The following EDNRB variants were observed in gnomAD, a reference collection of about 807,000 sequenced individuals.
The protein encoded by EDNRB is endothelin receptor type B.
A neutral mutation model predicts 46.4 loss-of-function variants in EDNRB; 18 were observed. The ratio of observed to expected loss-of-function variants is 0.39; its 90% CI spans 0.27 to 0.57. The LOEUF is 0.57. EDNRB is among the 20% of genes least tolerant of loss of function. The pLI is 0.61. For missense variants in EDNRB, 434 were observed against 537.5 expected (o/e 0.81, Z 1.90); for synonymous variants, 213 against 204.9 (o/e 1.04, Z -0.34).
At chr13:77,919,674 C>T (rs1880012160), upstream of EDNRB, 3 of 1,499,882 alleles carry the variant, frequency 2.0e-6, no homozygotes, top group African/African-American at 2.8e-5. Flanking sequence ...CCCGCTGCAA[C>T]CTTTCCCCTT....
intron 1 of EDNRB, among the ~76,000 whole-genome samples, chr13:77,928,011 C>T (rs1407550124): frequency 2.0e-5 from 3 of 152,154 alleles, no homozygotes; most frequent in Non-Finnish European, 4.4e-5. Context: ...GACTTTGCTC[C>T]TCCTTTGCCT....
intron 1 of EDNRB, among the ~76,000 whole-genome samples, chr13:77,953,987 A>C (rs1881163029): frequency 6.6e-6 from 1 of 152,340 alleles, no homozygotes; most frequent in South Asian, 2.1e-4. Flanking sequence ...ATAAAAACAG[A>C]TACAATATTA....
At chr13:77,972,212 C>T (rs890081491) in intron 1 of EDNRB, among the ~76,000 whole-genome samples, 15 of 152,256 alleles carry the variant, frequency 9.9e-5, no homozygotes, top group Middle Eastern at 3.4e-3. Context: ...ATGCAGCCTA[C>T]GCCTGGTCAA....
intron 1 of EDNRB, among the ~76,000 whole-genome samples, chr13:77,915,784 G>C (rs1221008253): frequency 1.3e-5 from 2 of 152,180 alleles, no homozygotes; most frequent in African/African-American, 4.8e-5. Context: ...GAATGTGTTT[G>C]TGACCCATGT....
chr13:77,934,556 C>T (rs1280673238), intron 1 of EDNRB, among the ~76,000 whole-genome samples: 2 of 151,938 alleles, frequency 1.3e-5, no homozygotes, highest in Admixed American at 1.3e-4. Context: ...AAGGCCTCTA[C>T]CCATCTAGTG....
chr13:77,923,437 G>C (rs1880141683), upstream of EDNRB, among the ~76,000 whole-genome samples: 1 of 152,230 alleles, frequency 6.6e-6, no homozygotes, highest in South Asian at 2.1e-4. Flanking sequence ...AGTCGGACCT[G>C]TGCCGTCTTG....
Position 77,918,009 on chromosome 13 carries a change from C to T in EDNRB, c.483+82G>A. On this transcript the variant is annotated intron_variant, in intron 1 of 6. Coordinates refer to ENST00000646607, the MANE Select transcript of EDNRB (RefSeq NM_001122659.3). The surrounding 1 kb of genome is among the most constrained non-coding windows in gnomAD (Gnocchi z 4.5). Reference sequence around the variant, plus strand: ...TTAAGAGGGAGCTAAAGGGAAGCTCCCTCTACAAGCTTTCTCATCTCCCCG... The same window carrying T: ...TTAAGAGGGAGCTAAAGGGAAGCTCTCTCTACAAGCTTTCTCATCTCCCCG... 1.2e-6 allele frequency: 2 copies of T among 1,607,598 alleles called. No homozygotes were observed. Among genetic ancestry groups the T allele is most frequent in the Non-Finnish European group, 1.7e-6 (2 of 1,176,650 alleles).
At chr13:77,927,515 T>G (rs2329047) in intron 1 of EDNRB, among the ~76,000 whole-genome samples, 84,629 of 152,082 alleles carry the variant, frequency 0.56, 24,318 homozygotes, top group Middle Eastern at 0.67. Flanking sequence ...GACCTGATAT[T>G]TAGGTGAATT....
chr13:77,954,143 A>G (rs772515152), intron 1 of EDNRB, among the ~76,000 whole-genome samples: 23 of 152,168 alleles, frequency 1.5e-4, no homozygotes, highest in Non-Finnish European at 3.1e-4. Flanking sequence ...GACATTTAAC[A>G]TGAGCTCTAC....
chr13:77,972,876 G>A (rs946991572), intron 1 of EDNRB, among the ~76,000 whole-genome samples: 4 of 152,210 alleles, frequency 2.6e-5, no homozygotes, highest in South Asian at 2.1e-4. Context: ...AGGGGGTGGC[G>A]CTTTCTTGAC....
intron 1 of EDNRB, among the ~76,000 whole-genome samples, chr13:77,975,159 C>A (rs932927284): frequency 6.6e-6 from 1 of 152,212 alleles, no homozygotes; most frequent in East Asian, 1.9e-4. Context: ...GGTACAGGCA[C>A]ACCATCGGTG....
At chr13:77,926,191 A>G (rs188849133) in intron 1 of EDNRB, among the ~76,000 whole-genome samples, 53 of 152,280 alleles carry the variant, frequency 3.5e-4, no homozygotes, top group African/African-American at 1.3e-3. Context: ...TTTGGGATTA[A>G]CATTAGGATC....
intron 1 of EDNRB, among the ~76,000 whole-genome samples, chr13:77,959,435 G>A (rs997750566): frequency 3.9e-5 from 6 of 152,298 alleles, no homozygotes; most frequent in African/African-American, 7.2e-5. Context: ...AAACAGGGTC[G>A]GGAGTGGACT....
intron 1 of EDNRB, among the ~76,000 whole-genome samples, chr13:77,906,872 C>A (rs923055545): frequency 1.3e-5 from 2 of 151,982 alleles, no homozygotes; most frequent in African/African-American, 4.8e-5. Context: ...ACCCACATGC[C>A]TGCTTGCATT....
At chr13:77,929,347 G>A (rs1407446083) in intron 1 of EDNRB, among the ~76,000 whole-genome samples, 1 of 152,136 alleles carries the variant, frequency 6.6e-6, no homozygotes, top group Non-Finnish European at 1.5e-5. Context: ...CATGGTAGAT[G>A]CACCTATCCA....
chr13:77,905,335 A>G (rs1227752292), intron 1 of EDNRB, among the ~76,000 whole-genome samples: 1 of 151,930 alleles, frequency 6.6e-6, no homozygotes, highest in Non-Finnish European at 1.5e-5. Flanking sequence ...GAATCTCACA[A>G]TTTATTAAAG....
chr13:77,951,004 A>G (rs1881075280), intron 1 of EDNRB, among the ~76,000 whole-genome samples: 1 of 152,224 alleles, frequency 6.6e-6, no homozygotes, highest in Non-Finnish European at 1.5e-5. Flanking sequence ...AAGGCCAGCT[A>G]CATTAATGAG....
At chr13:77,906,037 C>T (rs1879257604) in intron 1 of EDNRB, among the ~76,000 whole-genome samples, 1 of 151,920 alleles carries the variant, frequency 6.6e-6, no homozygotes, top group African/African-American at 2.4e-5. Flanking sequence ...CTGATGAGAA[C>T]TAGTGGTGAG....
At chr13:77,903,703 A>G in intron 1 of EDNRB, 96 bp from the exon 2 acceptor site, 2 of 1,023,474 alleles carry the variant, frequency 2.0e-6, no homozygotes, top group Non-Finnish European at 3.0e-6. Context: ...GCAGAGTAGG[A>G]TAAACTCTGG....
Sources: allele counts gnomAD v4.1 joint callset (sites outside exome capture counted in the v4.1 genomes callset), GRCh38; gene constraint gnomAD v4.1.1; non-coding constraint Gnocchi (gnomAD v3.1); transcripts MANE v1.5; gene names NCBI Gene and HGNC (gene_info 2026-07-23, HGNC 2026-07-21).